Variants in ZNF385C observed in about 807,000 individuals in gnomAD.
ZNF385C encodes zinc finger protein 385C, also known as CTD-2132N18.2.
Under a neutral mutation model 35.4 loss-of-function variants are expected in ZNF385C, and 28 were observed. That is an observed-to-expected ratio of 0.79 (90% CI 0.59 to 1.08). The LOEUF (loss-of-function observed/expected upper bound fraction) is 1.08. ZNF385C is among the 50% of genes least tolerant of loss of function. The pLI is 0.00. For synonymous variants in ZNF385C, 248 were observed against 248.2 expected (o/e 1.00, Z 0.01); for missense variants, 605 against 595.6 (o/e 1.02, Z -0.16).
intron 2 of ZNF385C, chr17:42,043,336 T>C (rs999481577): frequency 9.7e-6 from 12 of 1,232,094 alleles, no homozygotes; most frequent in Non-Finnish European, 1.1e-5. Context: ...CTTGTTGGAG[T>C]TGGAGGCCTC....
At chr17:42,058,699 AG>A (rs1434832144) in intron 2 of ZNF385C, among the ~76,000 whole-genome samples, 1 of 152,130 alleles carries the variant, frequency 6.6e-6, no homozygotes, top group African/African-American at 2.4e-5. Flanking sequence ...TCTATCGCCC[AG>A]GCTAGAGCGC....
chr17:42,027,928 C>T, intron 7 of ZNF385C, 122 bp downstream of exon 7: 2 of 1,355,192 alleles, frequency 1.5e-6, no homozygotes, highest in Admixed American at 4.2e-5. Flanking sequence ...GCCTGCTGGC[C>T]TCGCTTCTCC....
rs113467574 is a variant in ZNF385C at position 42,049,135 on chromosome 17, T to A, written c.251-11250A>T. Among the ~76,000 whole-genome samples, 1,242 of 152,084 alleles carry A rather than the reference T, an allele frequency of 8.2e-3. 6 individuals are homozygous for A. The highest frequency in any genetic ancestry group is 0.014 in the Non-Finnish European group (947 of 67,992). On this transcript the variant is annotated intron_variant, in intron 2 of 8. Transcript: ENST00000692273. ...GTTCCTCCAGAGTGCCAGGTTCCCA[T>A]CCCCCGGGTCCTTTGCCCGTGCTGT...
intron 1 of ZNF385C, among the ~76,000 whole-genome samples, chr17:42,068,920 A>G (rs1555658604): frequency 6.6e-6 from 1 of 151,942 alleles, no homozygotes; most frequent in African/African-American, 2.4e-5. Flanking sequence ...TGCAGCCTCT[A>G]TCAGGCCCTG....
intron 1 of ZNF385C, among the ~76,000 whole-genome samples, chr17:42,098,179 C>A (rs2053936464): frequency 6.6e-6 from 1 of 152,230 alleles, no homozygotes; most frequent in African/African-American, 2.4e-5. Context: ...TCCTTTGGAG[C>A]CCGCCTGGCA....
At chr17:42,067,774 G>T (rs1037769432) in intron 1 of ZNF385C, among the ~76,000 whole-genome samples, 2 of 152,280 alleles carry the variant, frequency 1.3e-5, no homozygotes, top group South Asian at 2.1e-4. Context: ...CAGGAAGAAG[G>T]TCTTAGGTGC....
chr17:42,045,599 C>T (rs1187234919), intron 2 of ZNF385C, among the ~76,000 whole-genome samples: 1 of 152,206 alleles, frequency 6.6e-6, no homozygotes, highest in African/African-American at 2.4e-5. Context: ...TCAGAGTGAC[C>T]TCCTGACCCC....
At chr17:42,041,147 G>C in intron 2 of ZNF385C, 1 of 1,232,360 alleles carries the variant, frequency 8.1e-7, no homozygotes, top group Non-Finnish European at 1.0e-6. Context: ...GATGCCTTCA[G>C]GCGCTGGCAG....
At chr17:42,080,677 C>T (rs942394689) in intron 1 of ZNF385C, among the ~76,000 whole-genome samples, 1 of 152,204 alleles carries the variant, frequency 6.6e-6, no homozygotes. Flanking sequence ...CCTCTCAAAT[C>T]GGTCCGGTGG....
chr17:42,042,943 T>C (rs1449985663), intron 2 of ZNF385C: 5 of 1,232,374 alleles, frequency 4.1e-6, no homozygotes, highest in South Asian at 8.2e-5. Context: ...GCAGCGGTCA[T>C]TGGGCACATC....
chr17:42,058,958 A>G (rs568258816), intron 2 of ZNF385C, among the ~76,000 whole-genome samples: 1 of 152,204 alleles, frequency 6.6e-6, no homozygotes, highest in East Asian at 1.9e-4. Context: ...CGCCTGACCA[A>G]GTTGCTGGCA....
Position 42,095,830 on chromosome 17 carries a change from T to C in ZNF385C, c.-3+2580A>G, listed in dbSNP as rs1475260842. Among the ~76,000 whole-genome samples, 1 of 152,016 alleles carries C rather than the reference T, an allele frequency of 6.6e-6. No individual in the cohort carries two copies. The highest frequency in any genetic ancestry group is 1.5e-5 in the Non-Finnish European group (1 of 68,012). The stretch of plus-strand genomic sequence containing the variant: ...GGAATTAACCAAATGGCAGCTGAAG[T>C]CACAGGCCCAGCCAGGCCCACCTGG... On this transcript the variant is annotated intron_variant, in intron 1 of 8. Coordinates refer to ENST00000692273, the MANE Select transcript of ZNF385C (RefSeq NM_001392013.1). This position sits in a 1 kb window ranked among gnomAD's most constrained non-coding sequence, Gnocchi z 4.4.
At chr17:42,096,810 C>T (rs1174922276) in intron 1 of ZNF385C, among the ~76,000 whole-genome samples, 1 of 151,798 alleles carries the variant, frequency 6.6e-6, no homozygotes, top group Non-Finnish European at 1.5e-5. Context: ...GACTCTCTCC[C>T]CTCTACAGAG....
At chr17:42,089,253 C>G (rs1264684131) in intron 1 of ZNF385C, among the ~76,000 whole-genome samples, 1 of 151,960 alleles carries the variant, frequency 6.6e-6, no homozygotes, top group African/African-American at 2.4e-5. Flanking sequence ...GAGGTCGAGG[C>G]TGCAGTGAGC....
chr17:42,058,273 T>C (rs927920017), intron 2 of ZNF385C, among the ~76,000 whole-genome samples: 1 of 152,122 alleles, frequency 6.6e-6, no homozygotes, highest in Admixed American at 6.5e-5. Flanking sequence ...TAACCACCTG[T>C]CACTGTGGAA....
intron 1 of ZNF385C, among the ~76,000 whole-genome samples, chr17:42,072,480 TCCCGCCGGCTCTGCC>T (rs1453966742): frequency 6.6e-6 from 1 of 151,922 alleles, no homozygotes; most frequent in Non-Finnish European, 1.5e-5. Context: ...GCGGGCCCCC[TCCCGCCGGCTCTGCC>T]CCCGCGGCGC....
intron 2 of ZNF385C, among the ~76,000 whole-genome samples, chr17:42,053,573 C>A (rs1208662372): frequency 6.6e-6 from 1 of 152,184 alleles, no homozygotes; most frequent in Non-Finnish European, 1.5e-5. Context: ...CCCAGATGTC[C>A]AGCACCCCTG....
At chr17:42,064,073 TACACACACACACACACAC>T (rs55771386) in intron 1 of ZNF385C, among the ~76,000 whole-genome samples, 35 of 129,834 alleles carry the variant, frequency 2.7e-4, no homozygotes, top group Middle Eastern at 3.9e-3. Flanking sequence ...CACACGCACA[TACACACACACACACACAC>T]ACACACACAC....
intron 8 of ZNF385C, among the ~76,000 whole-genome samples, 189 bp downstream of exon 8, chr17:42,027,429 T>G (rs1555654342): frequency 6.6e-6 from 1 of 151,706 alleles, no homozygotes; most frequent in African/African-American, 2.4e-5. Context: ...AAGATGACTA[T>G]CCCAACCCAC....
Sources: gnomAD v4.1 joint callset for allele counts (sites outside exome capture counted in the v4.1 genomes callset) on GRCh38, gnomAD v4.1.1 for gene constraint, Gnocchi (gnomAD v3.1) non-coding constraint, MANE v1.5 for transcripts, NCBI Gene and HGNC (gene_info 2026-07-23, HGNC 2026-07-21) for gene names.